Variants in KIF26B observed in about 807,000 individuals in gnomAD.
KIF26B encodes kinesin family member 26B, also known as kinesin-like protein KIF26B.
A neutral mutation model predicts 151.2 loss-of-function variants in KIF26B; 63 were observed. The ratio of observed to expected loss-of-function variants is 0.42; its 90% confidence interval spans 0.34 to 0.51. The LOEUF (loss-of-function observed/expected upper bound fraction) is 0.51, where lower values mean the gene tolerates loss of function less well. Among genes scored for constraint, KIF26B ranks in the 20% least tolerant of loss-of-function variants. The pLI is 0.07. For synonymous variants in KIF26B, 1,357 were observed against 1,262.1 expected (o/e 1.08, Z -1.59); for missense variants, 2,813 against 2,913.6 (o/e 0.97, Z 0.79).
Position 245,698,369 on chromosome 1 carries a change from C to A in KIF26B, c.6027+61C>A. 1 of 1,484,320 alleles carries A rather than the reference C, an allele frequency of 6.7e-7. No individual in the cohort carries two copies. The highest frequency in any genetic ancestry group is 9.2e-7 in the Non-Finnish European group (1 of 1,081,154). 91.9% of individuals were successfully genotyped at this position (1,484,320 alleles called of 1,614,324 possible). ...GTGGCAGCTCCCCACCAAGCCTGAG[C>A]AGGTGCTAGGCAGGGCCCTGGGGAA... On this transcript the variant is annotated intron_variant, in intron 13 of 14. Coordinates refer to ENST00000407071, the MANE Select transcript of KIF26B (RefSeq NM_018012.4). This position sits in a 1 kb window ranked among gnomAD's most constrained non-coding sequence, Gnocchi z 4.0.
At chr1:245,396,650 AAAC>A (rs1673851552) in intron 3 of KIF26B, among the ~76,000 whole-genome samples, 1 of 151,142 alleles carries the variant, frequency 6.6e-6, no homozygotes, top group Non-Finnish European at 1.5e-5. Flanking sequence ...AAAAAACAAA[AAAC>A]AAAAAAAAAA....
intron 2 of KIF26B, among the ~76,000 whole-genome samples, chr1:245,332,297 C>T (rs868321665): frequency 1.8e-4 from 27 of 152,024 alleles, no homozygotes; most frequent in African/African-American, 5.8e-4. Context: ...TTCATTCAGG[C>T]AGATGACTAA....
intron 3 of KIF26B, among the ~76,000 whole-genome samples, chr1:245,403,243 G>A (rs541492497): frequency 2.0e-4 from 30 of 152,318 alleles, no homozygotes; most frequent in African/African-American, 6.7e-4. Context: ...AAGTAGTTGG[G>A]ACTACAGGGA....
intron 3 of KIF26B, among the ~76,000 whole-genome samples, chr1:245,387,744 T>C: frequency 6.6e-6 from 1 of 152,112 alleles, no homozygotes; most frequent in South Asian, 2.1e-4. Flanking sequence ...GCTTCCCTAA[T>C]ATGCATGATA....
intron 2 of KIF26B, among the ~76,000 whole-genome samples, chr1:245,337,572 A>G (rs957130663): frequency 6.6e-6 from 1 of 150,870 alleles, no homozygotes; most frequent in African/African-American, 2.4e-5. Flanking sequence ...GTGTATGAGT[A>G]TATGTGTTTT....
intron 2 of KIF26B, among the ~76,000 whole-genome samples, chr1:245,335,780 AGTCCCACGCAGGGAAAGGAAG>A (rs1374707735): frequency 4.0e-5 from 5 of 126,314 alleles, no homozygotes; most frequent in African/African-American, 9.2e-5. Context: ...GGGAAAGGAG[AGTCCCACGCAGGGAAAGGAAG>A]GTCCCACGCA....
At chr1:245,683,527 C>T (rs1433267562) in intron 10 of KIF26B, among the ~76,000 whole-genome samples, 1 of 152,152 alleles carries the variant, frequency 6.6e-6, no homozygotes, top group African/African-American at 2.4e-5. Context: ...TCATTATCAC[C>T]ACTCAGGGCA....
rs2103536333 is a variant in KIF26B at position 245,198,147 on chromosome 1, T to C, written c.465+41464T>C. ...CCTCACTGAGGCATTGTGCCAGGTG[T>C]CAGGAATACAGTGGTGAGCAAAACA... On this transcript the variant is annotated intron_variant, in intron 2 of 14. Transcript: ENST00000407071. Among the ~76,000 whole-genome samples the C allele has an allele frequency of 2.0e-5, 3 of 152,312 alleles. No individual in the cohort carries two copies. In the Middle Eastern group the frequency reaches 0.01, roughly 518 times the overall value.
intron 10 of KIF26B, among the ~76,000 whole-genome samples, chr1:245,650,316 C>T (rs1376035325): frequency 6.6e-6 from 1 of 152,230 alleles, no homozygotes; most frequent in East Asian, 1.9e-4. Flanking sequence ...GGAATCTTCC[C>T]ATTTAATGGA....
intron 3 of KIF26B, among the ~76,000 whole-genome samples, chr1:245,414,636 CTA>C (rs1674373769): frequency 6.6e-6 from 1 of 152,224 alleles, no homozygotes; most frequent in Non-Finnish European, 1.5e-5. Context: ...AGTCTTCCTT[CTA>C]GGCCCCACAG....
intron 4 of KIF26B, among the ~76,000 whole-genome samples, chr1:245,500,123 G>A (rs1376921230): frequency 1.3e-5 from 2 of 152,222 alleles, no homozygotes; most frequent in Non-Finnish European, 2.9e-5. Flanking sequence ...AAGCCCCCAA[G>A]TGTACAGCAT....
intron 4 of KIF26B, among the ~76,000 whole-genome samples, chr1:245,484,403 G>C (rs1471186218): frequency 6.6e-6 from 1 of 151,814 alleles, no homozygotes; most frequent in Non-Finnish European, 1.5e-5. Flanking sequence ...ATTGTGAGGA[G>C]TCAGACTCAC....
Position 245,166,934 on chromosome 1 carries a change from A to G in KIF26B, c.465+10251A>G, listed in dbSNP as rs1051843893. Among the ~76,000 whole-genome samples, 1 of 152,246 alleles carries G rather than the reference A, an allele frequency of 6.6e-6. No individual in the cohort carries two copies. The highest frequency in any genetic ancestry group is 2.4e-5 in the African/African-American group (1 of 41,460). ...CTGAACGTTGCTATAGAGGTTAGCA[A>G]AGCAGAAGGCTCTGAGGGTAGAGTA... On this transcript the variant is annotated intron_variant, in intron 2 of 14. Transcript: ENST00000407071. This position sits in a 1 kb window ranked among gnomAD's most constrained non-coding sequence, Gnocchi z 4.5.
At chr1:245,201,432 G>C (rs57508496) in intron 2 of KIF26B, among the ~76,000 whole-genome samples, 4,597 of 152,292 alleles carry the variant, frequency 0.03, 240 homozygotes, top group African/African-American at 0.11. Context: ...TGAATGCTTA[G>C]TATTTTTAGA....
intron 9 of KIF26B, among the ~76,000 whole-genome samples, chr1:245,619,237 C>T (rs2043630258): frequency 6.6e-6 from 1 of 151,424 alleles, no homozygotes; most frequent in African/African-American, 2.4e-5. Context: ...TTGTCCAAGC[C>T]CTATTAGACT....
At position 245,183,848 on chromosome 1, in the gene KIF26B, T is replaced by G. The variant is rs529422880; in HGVS notation, c.465+27165T>G. On this transcript the variant is annotated intron_variant, in intron 2 of 14. Coordinates refer to ENST00000407071, the MANE Select transcript of KIF26B (RefSeq NM_018012.4). ...GAAAGACCTGGCGGTATGACACGAT[T>G]AAGCCATAATGGCACCAGGGCACAG... Among the ~76,000 whole-genome samples the G allele has an allele frequency of 2.0e-5, 3 of 152,100 alleles. No homozygotes were observed. In the South Asian group the frequency reaches 6.2e-4, roughly 32 times the overall value.
chr1:245,454,191 A>C (rs1659460936), intron 4 of KIF26B, among the ~76,000 whole-genome samples: 1 of 152,238 alleles, frequency 6.6e-6, no homozygotes, highest in Admixed American at 6.5e-5. Flanking sequence ...TTACTGCACT[A>C]TACAGAGTCT....
chr1:245,338,867 A>T (rs1480022757), intron 2 of KIF26B, among the ~76,000 whole-genome samples: 1 of 152,164 alleles, frequency 6.6e-6, no homozygotes, highest in Non-Finnish European at 1.5e-5. Context: ...AGTCAGAAGG[A>T]TTCAGTGATT....
chr1:245,347,296 C>T (rs1558397289), intron 2 of KIF26B, among the ~76,000 whole-genome samples: 1 of 151,962 alleles, frequency 6.6e-6, no homozygotes, highest in Non-Finnish European at 1.5e-5. Context: ...CTACTGTCCC[C>T]TTTCTTTTCT....
Sources: gnomAD v4.1 joint callset for allele counts (sites outside exome capture counted in the v4.1 genomes callset) on GRCh38, gnomAD v4.1.1 for gene constraint, Gnocchi (gnomAD v3.1) non-coding constraint, MANE v1.5 for transcripts, NCBI Gene and HGNC (gene_info 2026-07-23, HGNC 2026-07-21) for gene names.